RELN: variants seen among roughly 807,000 people sequenced by gnomAD.
The protein encoded by RELN is reelin.
A neutral mutation model predicts 427.6 loss-of-function variants in RELN; 108 were observed. That is an observed-to-expected ratio of 0.25 (90% CI 0.22 to 0.30). The LOEUF (loss-of-function observed/expected upper bound fraction) is 0.30, where lower values mean the gene tolerates loss of function less well. Among genes scored for constraint, RELN ranks in the 10% least tolerant of loss-of-function variants. The probability of loss-of-function intolerance (pLI) is 1.00; values close to 1 mark genes in which losing one functional copy is unlikely to be tolerated. For synonymous variants in RELN, 1,524 were observed against 1,513.4 expected (o/e 1.01, Z -0.16); for missense variants, 3,715 against 4,302.8 (o/e 0.86, Z 3.82).
intron 19 of RELN, among the ~76,000 whole-genome samples, chr7:103,630,793 A>T (rs967117483): frequency 1.3e-5 from 2 of 151,888 alleles, no homozygotes; most frequent in African/African-American, 2.4e-5. Flanking sequence ...AAGTACAATT[A>T]AACACCAGGA....
In RELN at chr7:103,635,412, C is replaced by T; in HGVS notation, c.2465+13G>A. 6.2e-7 allele frequency: 1 copy of T among 1,613,256 alleles called. No individual in the cohort carries two copies. The highest frequency in any genetic ancestry group is 8.5e-7 in the Non-Finnish European group (1 of 1,179,528). ...CACTCTACAACCATTTTTCCAAATG[C>T]TTTCCAACATACCTGGGCTCATGAT... On this transcript the variant is annotated intron_variant, in intron 19 of 64. Transcript: ENST00000428762.
chr7:103,962,647 TG>T (rs1796582131), intron 1 of RELN, among the ~76,000 whole-genome samples: 1 of 13,608 alleles, frequency 7.3e-5, no homozygotes, highest in African/African-American at 3.2e-3. Flanking sequence ...CCAAAGTTGT[TG>T]TGTGTGTGTG....
intron 4 of RELN, among the ~76,000 whole-genome samples, chr7:103,757,658 C>T (rs1475903184): frequency 6.6e-6 from 1 of 152,100 alleles, no homozygotes; most frequent in African/African-American, 2.4e-5. Flanking sequence ...AAAAAGATAT[C>T]GTAGTTTCTT....
intron 3 of RELN, among the ~76,000 whole-genome samples, chr7:103,800,983 C>A (rs1431069105): frequency 6.6e-6 from 1 of 152,244 alleles, no homozygotes; most frequent in Admixed American, 6.5e-5. Flanking sequence ...TGAAAAAATG[C>A]TCATTATCAC....
chr7:103,772,346 A>C (rs977407100), intron 4 of RELN, among the ~76,000 whole-genome samples: 2 of 149,288 alleles, frequency 1.3e-5, no homozygotes, highest in Non-Finnish European at 2.9e-5. Flanking sequence ...GAATGAATGA[A>C]TGCACAAGTA....
At position 103,676,047 on chromosome 7, in the gene RELN, T is replaced by C. The variant is rs548176124; in HGVS notation, c.1289+6069A>G. ...GCCAAAATTGACAAATGGGATCTAA[T>C]TAAACTAAAGAGTTTCTGCACAACA... is the stretch of plus-strand genomic sequence containing the variant. On this transcript the variant is annotated intron_variant, in intron 11 of 64. Transcript: ENST00000428762. Among the ~76,000 whole-genome samples, 11 of 152,250 alleles carry C rather than the reference T, an allele frequency of 7.2e-5. No homozygotes were observed. The East Asian group carries it at 2.1e-3, about 29-fold the overall frequency.
intron 2 of RELN, among the ~76,000 whole-genome samples, chr7:103,884,965 T>A (rs1794690543): frequency 6.6e-6 from 1 of 152,128 alleles, no homozygotes; most frequent in South Asian, 2.1e-4. Flanking sequence ...CATTCTACTA[T>A]AAAGACACAT....
At chr7:103,715,848 C>T (rs975981112) in intron 8 of RELN, among the ~76,000 whole-genome samples, 14 of 152,276 alleles carry the variant, frequency 9.2e-5, no homozygotes, top group Non-Finnish European at 5.9e-5. Flanking sequence ...GCATGAAACA[C>T]AAGGAAGAGA....
At chr7:103,609,741 C>G (rs898294002) in intron 22 of RELN, among the ~76,000 whole-genome samples, 4 of 152,084 alleles carry the variant, frequency 2.6e-5, no homozygotes, top group Non-Finnish European at 5.9e-5. Context: ...TAGAGTCTAA[C>G]TTTTATATAA....
At chr7:103,944,486 A>G (rs901190933) in intron 1 of RELN, among the ~76,000 whole-genome samples, 2 of 152,134 alleles carry the variant, frequency 1.3e-5, no homozygotes, top group Non-Finnish European at 2.9e-5. Flanking sequence ...GAATGGATAC[A>G]TTACATTGGA....
chr7:103,931,038 T>C (rs544674960), intron 1 of RELN, among the ~76,000 whole-genome samples: 1 of 152,106 alleles, frequency 6.6e-6, no homozygotes, highest in Admixed American at 6.5e-5. Context: ...CTGCCCTTCC[T>C]GAGTCTTATA....
intron 1 of RELN, among the ~76,000 whole-genome samples, chr7:103,919,133 CTTTTTTTTTTTTTT>C (rs1187538150): frequency 9.9e-6 from 1 of 101,366 alleles, no homozygotes; most frequent in Non-Finnish European, 2.0e-5. Context: ...GATAATCGGT[CTTTTTTTTTTTTTT>C]TTTTTTTTTA....
intron 1 of RELN, among the ~76,000 whole-genome samples, chr7:103,945,440 T>A (rs751878541): frequency 2.6e-5 from 4 of 152,182 alleles, no homozygotes; most frequent in Admixed American, 6.5e-5. Context: ...TTGGCCTTCA[T>A]ACCTGATTCA....
intron 41 of RELN, among the ~76,000 whole-genome samples, chr7:103,546,683 T>C (rs1830304331): frequency 6.6e-6 from 1 of 152,216 alleles, no homozygotes; most frequent in Admixed American, 6.5e-5. Context: ...GAGGCCAATG[T>C]CCATGTCTCT....
At chr7:103,503,414 C>A (rs1219202285) in intron 51 of RELN, among the ~76,000 whole-genome samples, 184 bp from the exon 52 acceptor site, 1 of 152,148 alleles carries the variant, frequency 6.6e-6, no homozygotes, top group African/African-American at 2.4e-5. Flanking sequence ...CCCCAGGTGA[C>A]AAATTATAGA....
In RELN at chr7:103,989,582, C is replaced by G; in HGVS notation, c.-226G>C. 2.5e-6 allele frequency: 1 copy of G among 395,334 alleles called. No homozygotes were observed. The highest frequency in any genetic ancestry group is 4.3e-6 in the Non-Finnish European group (1 of 231,698). 24.5% of individuals were successfully genotyped at this position (395,334 alleles called of 1,614,324 possible). A position where few individuals can be genotyped will look rare whatever the true frequency, so the allele number is the denominator to read the frequency against. ...CCGCGGGAGCGCGGGACCGGGGCTGCGGGCGCCGAGAGCGCGTCGTCTGCC... is the reference window on the plus strand; with the variant it reads ...CCGCGGGAGCGCGGGACCGGGGCTGGGGGCGCCGAGAGCGCGTCGTCTGCC... On this transcript the variant is annotated 5_prime_UTR_variant, in exon 1 of 65. Coordinates refer to ENST00000428762, the MANE Select transcript of RELN (RefSeq NM_005045.4). The surrounding 1 kb of genome is among the most constrained non-coding windows in gnomAD (Gnocchi z 4.9).
intron 6 of RELN, among the ~76,000 whole-genome samples, chr7:103,743,999 C>T (rs1790746414): frequency 6.6e-6 from 1 of 152,192 alleles, no homozygotes; most frequent in East Asian, 1.9e-4. Flanking sequence ...CCAAAATTGA[C>T]CACATAGTTG....
intron 2 of RELN, among the ~76,000 whole-genome samples, chr7:103,854,550 T>A (rs537308407): frequency 6.6e-6 from 1 of 152,272 alleles, no homozygotes; most frequent in East Asian, 1.9e-4. Flanking sequence ...AGGTCAGGGA[T>A]GAATTAAGGG....
intron 13 of RELN, 55 bp from the exon 14 acceptor site, chr7:103,652,814 T>G: frequency 6.6e-7 from 1 of 1,517,050 alleles, no homozygotes; most frequent in Non-Finnish European, 9.1e-7. Flanking sequence ...CTAGTCCATG[T>G]AAATTCTCCT....
Sources: gnomAD v4.1 joint callset for allele counts (sites outside exome capture counted in the v4.1 genomes callset) on GRCh38, gnomAD v4.1.1 for gene constraint, Gnocchi (gnomAD v3.1) non-coding constraint, MANE v1.5 for transcripts, NCBI Gene and HGNC (gene_info 2026-07-23, HGNC 2026-07-21) for gene names.